CNKSR2: variants seen among roughly 807,000 people sequenced by gnomAD.
CNKSR2 encodes the protein CNK homolog protein 2.
A neutral mutation model predicts 84.4 loss-of-function variants in CNKSR2; 14 were observed. That is an observed-to-expected ratio of 0.17 (90% confidence interval 0.11 to 0.26). The LOEUF is 0.26. Among genes scored for constraint, CNKSR2 ranks in the 10% least tolerant of loss-of-function variants. The pLI is 1.00. For missense variants in CNKSR2, 485 were observed against 771.2 expected (o/e 0.63, Z 4.40); for synonymous variants, 275 against 277.9 (o/e 0.99, Z 0.10).
chrX:21,502,740 G>A (rs1052694228), intron 8 of CNKSR2, among the ~76,000 whole-genome samples: 2 of 111,638 alleles, frequency 1.8e-5, no homozygotes, highest in Admixed American at 9.5e-5. Context: ...GTTGGTAAAC[G>A]TTTTCAAAAT....
intron 1 of CNKSR2, among the ~76,000 whole-genome samples, chrX:21,393,110 A>G (rs2090073879): frequency 8.9e-6 from 1 of 112,192 alleles, no homozygotes; most frequent in Non-Finnish European, 1.9e-5. Context: ...AACTTACTTG[A>G]TTCTTTGTTA....
In CNKSR2 at chrX:21,594,558, A is replaced by G. The variant is rs145192329; in HGVS notation, c.1831-416A>G. ...AAGAGATTTGTTGGAGGAAAATTGAATCAGTGAACATCCCTATATTTTACA... is the reference window on the plus strand; with the variant it reads ...AAGAGATTTGTTGGAGGAAAATTGAGTCAGTGAACATCCCTATATTTTACA... On this transcript the variant is annotated intron_variant, in intron 15 of 21. Transcript: ENST00000379510. 5.5e-3 allele frequency: 625 copies of G among 112,870 alleles called. 2 individuals are homozygous for G. Among genetic ancestry groups the G allele is most frequent in the Non-Finnish European group, 8.6e-3 (460 of 53,734 alleles). The allele number at this position is 112,870 out of a possible 1,213,427, so 9.3% of individuals were successfully genotyped here.
At chrX:21,591,884 T>G (rs1466730040) in intron 15 of CNKSR2, 3 of 111,803 alleles carry the variant, frequency 2.7e-5, no homozygotes, top group Non-Finnish European at 3.8e-5. Flanking sequence ...TCCTTTGCTA[T>G]AGCCATCTAC....
intron 20 of CNKSR2, among the ~76,000 whole-genome samples, chrX:21,640,634 C>T (rs1468180596): frequency 2.7e-5 from 3 of 111,683 alleles, no homozygotes; most frequent in Non-Finnish European, 5.6e-5. Context: ...TATTCTCTCT[C>T]CCAACTTGTT....
intron 1 of CNKSR2, among the ~76,000 whole-genome samples, chrX:21,418,348 ATAT>A (rs2090450128): frequency 9.0e-6 from 1 of 111,309 alleles, no homozygotes; most frequent in Non-Finnish European, 1.9e-5. Context: ...TGTTGGTATA[ATAT>A]TCTGTGTTTT....
chrX:21,400,558 C>A (rs762409452), intron 1 of CNKSR2, among the ~76,000 whole-genome samples: 11 of 111,458 alleles, frequency 9.9e-5, no homozygotes, highest in African/African-American at 2.3e-4. Context: ...AAAACTTGAT[C>A]TCAGGCAACT....
At chrX:21,499,935 C>T (rs1299101374) in intron 7 of CNKSR2, among the ~76,000 whole-genome samples, 1 of 110,483 alleles carries the variant, frequency 9.1e-6, no homozygotes, top group Admixed American at 9.7e-5. Context: ...ATGACTAGAG[C>T]CATTTGCTCG....
chrX:21,558,353 A>G (rs2092157324), intron 11 of CNKSR2, among the ~76,000 whole-genome samples: 1 of 111,297 alleles, frequency 9.0e-6, no homozygotes, highest in South Asian at 3.7e-4. Flanking sequence ...TATTTGTTCT[A>G]CCTAAATCAA....
intron 13 of CNKSR2, among the ~76,000 whole-genome samples, chrX:21,588,272 T>C (rs1304296874): frequency 8.9e-6 from 1 of 112,113 alleles, no homozygotes; most frequent in African/African-American, 3.2e-5. Context: ...ACCAGCCAAG[T>C]TCCTAGATGC....
intron 1 of CNKSR2, among the ~76,000 whole-genome samples, chrX:21,378,808 A>G (rs1243797277): frequency 9.0e-6 from 1 of 111,256 alleles, no homozygotes. Flanking sequence ...GAGTTAACCA[A>G]TAGGCCCCAT....
intron 1 of CNKSR2, among the ~76,000 whole-genome samples, chrX:21,417,084 C>G (rs2147029987): frequency 9.0e-6 from 1 of 111,504 alleles, no homozygotes; most frequent in African/African-American, 3.2e-5. Flanking sequence ...ACTGCTTTTG[C>G]TATATCCCAT....
At chrX:21,464,035 G>C (rs1012349147) in intron 4 of CNKSR2, among the ~76,000 whole-genome samples, 1 of 111,933 alleles carries the variant, frequency 8.9e-6, no homozygotes, top group African/African-American at 3.2e-5. Flanking sequence ...TTGCCTAAGA[G>C]TTGCTGTCCT....
chrX:21,539,094 G>A (rs1043198430), intron 11 of CNKSR2: 2 of 112,428 alleles, frequency 1.8e-5, no homozygotes, highest in African/African-American at 6.5e-5. Flanking sequence ...GGTTTTCTAT[G>A]CCTTTGCCCA....
chrX:21,644,222 C>G (rs991706684), intron 20 of CNKSR2: 1 of 111,545 alleles, frequency 9.0e-6, no homozygotes, highest in Admixed American at 9.6e-5. Context: ...GTGATTTAGT[C>G]TTTCCCAACC....
chrX:21,450,381 A>G (rs184893682), intron 4 of CNKSR2, among the ~76,000 whole-genome samples: 41 of 111,562 alleles, frequency 3.7e-4, no homozygotes, highest in African/African-American at 1.3e-3. Flanking sequence ...AATGATCTAA[A>G]ACTATTTTTT....
At chrX:21,608,990 C>T in intron 19 of CNKSR2, 81 bp from the exon 20 acceptor site, 1 of 1,123,944 alleles carries the variant, frequency 8.9e-7, no homozygotes, top group Non-Finnish European at 1.2e-6. Context: ...TAAATATTAC[C>T]TGGTAGAAAC....
At chrX:21,557,518 C>T (rs944652314) in intron 11 of CNKSR2, among the ~76,000 whole-genome samples, 10 of 110,127 alleles carry the variant, frequency 9.1e-5, no homozygotes, top group African/African-American at 3.0e-4. Flanking sequence ...ATGGAGACAC[C>T]AATTAAAAAA....
At chrX:21,420,153 G>T (rs755216740) in intron 1 of CNKSR2, among the ~76,000 whole-genome samples, 2 of 112,443 alleles carry the variant, frequency 1.8e-5, no homozygotes, top group Non-Finnish European at 3.8e-5. Context: ...CAAAGGCAGA[G>T]GATCCCCACC....
intron 1 of CNKSR2, among the ~76,000 whole-genome samples, chrX:21,415,857 CACACACACACACACAT>C (rs1052488034): frequency 4.8e-5 from 5 of 103,409 alleles, no homozygotes; most frequent in Non-Finnish European, 8.0e-5. Context: ...CACACACACA[CACACACACACACACAT>C]ATATATATAT....
Sources: gnomAD v4.1 joint callset for allele counts (sites outside exome capture counted in the v4.1 genomes callset) on GRCh38, gnomAD v4.1.1 for gene constraint, MANE v1.5 for transcripts, NCBI Gene and HGNC (gene_info 2026-07-23, HGNC 2026-07-21) for gene names.